STRN: variants seen among roughly 807,000 people sequenced by gnomAD.
The protein encoded by STRN is protein phosphatase 2 regulatory subunit B'''alpha.
In STRN, 53 loss-of-function variants were observed where a neutral mutation model predicts 96.3. The observed-to-expected ratio is 0.55, with a 90% confidence interval of 0.44 to 0.69. STRN has a LOEUF of 0.69. Ranked by LOEUF, STRN falls within the 30% of genes least tolerant of loss-of-function variation. The pLI, the probability that STRN is intolerant of heterozygous loss-of-function variation, is 0.00. For missense variants in STRN, 987 were observed against 963.9 expected (o/e 1.02, Z -0.32); for synonymous variants, 428 against 355.9 (o/e 1.20, Z -2.28).
intron 14 of STRN, among the ~76,000 whole-genome samples, chr2:36,856,312 C>G (rs1372504005): frequency 6.6e-6 from 1 of 152,190 alleles, no homozygotes; most frequent in African/African-American, 2.4e-5. Context: ...CCCAGCAATT[C>G]TAAGTCTCTA....
intron 15 of STRN, among the ~76,000 whole-genome samples, chr2:36,852,435 G>C (rs1199184860): frequency 6.6e-6 from 1 of 152,146 alleles, no homozygotes; most frequent in Non-Finnish European, 1.5e-5. Context: ...TCCGGATTTT[G>C]ATCATTGTAA....
chr2:36,929,875 T>C (rs1277571795), intron 1 of STRN, among the ~76,000 whole-genome samples: 1 of 152,176 alleles, frequency 6.6e-6, no homozygotes, highest in Non-Finnish European at 1.5e-5. Flanking sequence ...TAAAATAAAA[T>C]ATTATAAAGC....
chr2:36,854,929 T>C lies in STRN; in HGVS notation c.1978+283A>G, dbSNP rs76569559. ...TAGAATTTCCTATTCAGAATAAATA[T>C]GGCTTTCTTCAAATAGAATTGAAAA... On this transcript the variant is annotated intron_variant, in intron 15 of 17. Transcript: ENST00000263918. 2.6e-3 allele frequency among the ~76,000 whole-genome samples: 403 copies of C among 152,300 alleles called. 4 individuals are homozygous for C. Among genetic ancestry groups the C allele is most frequent in the African/African-American group, 9.1e-3 (379 of 41,572 alleles).
chr2:36,899,810 C>A, intron 5 of STRN, 152 bp from the exon 6 acceptor site: 1 of 773,014 alleles, frequency 1.3e-6, no homozygotes, highest in Non-Finnish European at 2.0e-6. Context: ...TACACTCTCA[C>A]AAATTTAAAA....
At chr2:36,853,631 A>G (rs1668273373) in intron 15 of STRN, among the ~76,000 whole-genome samples, 1 of 152,214 alleles carries the variant, frequency 6.6e-6, no homozygotes, top group South Asian at 2.1e-4. Context: ...CGCCATTGAC[A>G]TCAATGAGAA....
At chr2:36,963,859 A>C (rs1665088403) in intron 1 of STRN, among the ~76,000 whole-genome samples, 1 of 145,080 alleles carries the variant, frequency 6.9e-6, no homozygotes, top group Non-Finnish European at 1.6e-5. Context: ...TGGGAGGCTG[A>C]GGCAGAAGGA....
chr2:36,957,708 G>C (rs1664922898), intron 1 of STRN, among the ~76,000 whole-genome samples: 1 of 147,672 alleles, frequency 6.8e-6, no homozygotes, highest in Non-Finnish European at 1.5e-5. Flanking sequence ...ACCTTTATTT[G>C]AGAGCTCAGA....
In STRN at chr2:36,905,442, T is replaced by C. The variant is rs1163482907; in HGVS notation, c.491+98A>G. Reference sequence around the variant, plus strand: ...GCTTTTTCACAGCATCTGTATGAGATAAAATATTCATCTGACTTGAAAATA... The same window carrying C: ...GCTTTTTCACAGCATCTGTATGAGACAAAATATTCATCTGACTTGAAAATA... On this transcript the variant is annotated intron_variant, in intron 4 of 17. Transcript: ENST00000263918. The C allele has an allele frequency of 2.1e-5, 23 of 1,082,666 alleles. No homozygotes were observed. In the East Asian group the frequency reaches 2.1e-4, roughly 10 times the overall value. The allele number at this position is 1,082,666 out of a possible 1,614,324, so 67.1% of individuals were successfully genotyped here. A position where few individuals can be genotyped will look rare whatever the true frequency, so the allele number is the denominator to read the frequency against.
At chr2:36,928,295 A>G (rs1156463199) in intron 1 of STRN, among the ~76,000 whole-genome samples, 2 of 152,156 alleles carry the variant, frequency 1.3e-5, no homozygotes, top group Non-Finnish European at 2.9e-5. Flanking sequence ...CGAGGGTGAG[A>G]GACATAAAAG....
chr2:36,876,934 G>C (rs749224328), intron 10 of STRN, among the ~76,000 whole-genome samples: 1 of 152,046 alleles, frequency 6.6e-6, no homozygotes, highest in Admixed American at 6.5e-5. Flanking sequence ...ATTTTTAATA[G>C]AGACGGGTTT....
At chr2:36,940,889 A>C (rs888603662) in intron 1 of STRN, among the ~76,000 whole-genome samples, 9 of 151,328 alleles carry the variant, frequency 5.9e-5, no homozygotes, top group Admixed American at 2.0e-4. Context: ...ACAATGGCCC[A>C]TGCCTGTAAT....
At chr2:36,876,055 G>C (rs945666889) in intron 10 of STRN, among the ~76,000 whole-genome samples, 1 of 152,156 alleles carries the variant, frequency 6.6e-6, no homozygotes, top group East Asian at 1.9e-4. Context: ...AACTGCTTGA[G>C]CTTAGGAGTT....
intron 1 of STRN, among the ~76,000 whole-genome samples, chr2:36,937,336 CTG>C (rs1440705948): frequency 1.2e-5 from 1 of 86,388 alleles, no homozygotes; most frequent in Non-Finnish European, 2.3e-5. Flanking sequence ...AAGAGTGAGA[CTG>C]TCTCAAAAAA....
chr2:36,925,329 C>T (rs1216623166), intron 1 of STRN, 121 bp from the exon 2 acceptor site: 47 of 659,800 alleles, frequency 7.1e-5, no homozygotes, highest in Middle Eastern at 2.8e-4. Flanking sequence ...TTACACATTT[C>T]TCACAAAGTA....
chr2:36,900,153 C>A (rs537920923), intron 5 of STRN, among the ~76,000 whole-genome samples: 123 of 152,248 alleles, frequency 8.1e-4, no homozygotes, highest in African/African-American at 2.9e-3. Flanking sequence ...CCTCAGCCTC[C>A]CAAAGTGCTG....
intron 3 of STRN, among the ~76,000 whole-genome samples, chr2:36,914,158 T>A (rs919790692): frequency 1.3e-5 from 2 of 152,158 alleles, no homozygotes; most frequent in African/African-American, 4.8e-5. Context: ...CCCAGCTAAT[T>A]TTTTAATTTT....
At chr2:36,856,660 A>G (rs1483411903) in intron 14 of STRN, among the ~76,000 whole-genome samples, 1 of 152,202 alleles carries the variant, frequency 6.6e-6, no homozygotes, top group East Asian at 1.9e-4. Flanking sequence ...TTGGAAAGAC[A>G]CGAAGGAACT....
chr2:36,913,621 T>G (rs540746313), intron 3 of STRN, among the ~76,000 whole-genome samples: 3 of 152,336 alleles, frequency 2.0e-5, no homozygotes. Context: ...ACTGTCTATC[T>G]TCCCTATAAA....
chr2:36,892,871 A>T (rs1422677490), intron 7 of STRN, among the ~76,000 whole-genome samples: 2 of 152,088 alleles, frequency 1.3e-5, no homozygotes, highest in Admixed American at 6.5e-5. Flanking sequence ...AAATACAAAA[A>T]TTAGCCAGGC....
Sources: allele counts gnomAD v4.1 joint callset (sites outside exome capture counted in the v4.1 genomes callset), GRCh38; gene constraint gnomAD v4.1.1; transcripts MANE v1.5; gene names NCBI Gene and HGNC (gene_info 2026-07-23, HGNC 2026-07-21).